The following MELK variants were observed in gnomAD, a reference collection of about 807,000 sequenced individuals.
MELK encodes maternal embryonic leucine zipper kinase.
MELK carries 81 observed loss-of-function variants against 85.0 expected under a neutral mutation model. The observed-to-expected ratio is 0.95, with a 90% CI of 0.80 to 1.15. The LOEUF (loss-of-function observed/expected upper bound fraction) is 1.15, where lower values mean the gene tolerates loss of function less well. MELK is among the 50% of genes most tolerant of loss of function. MELK has a pLI of 0.00. For synonymous variants in MELK, 252 were observed against 265.0 expected (o/e 0.95, Z 0.48); for missense variants, 754 against 777.5 (o/e 0.97, Z 0.36).
intron 13 of MELK, 58 bp downstream of exon 13, chr9:36,657,421 C>T: frequency 3.3e-6 from 5 of 1,520,186 alleles, no homozygotes; most frequent in Non-Finnish European, 4.4e-6. Flanking sequence ...ATAAAAACAA[C>T]CAGACTAATG....
intron 11 of MELK, among the ~76,000 whole-genome samples, chr9:36,645,350 A>G (rs1369171243): frequency 6.6e-6 from 1 of 151,096 alleles, no homozygotes; most frequent in Non-Finnish European, 1.5e-5. Context: ...TCTACCTATA[A>G]TTTTCAGACT....
intron 8 of MELK, among the ~76,000 whole-genome samples, chr9:36,612,452 C>T (rs1826149412): frequency 6.6e-6 from 1 of 152,152 alleles, no homozygotes; most frequent in African/African-American, 2.4e-5. Context: ...GTGGCGCCAT[C>T]TTGGCTCACT....
At chr9:36,587,000 C>A (rs1052445142) in intron 3 of MELK, among the ~76,000 whole-genome samples, 13 of 151,474 alleles carry the variant, frequency 8.6e-5, no homozygotes, top group Non-Finnish European at 1.5e-4. Context: ...TAGCTGGGAC[C>A]ACCACGCCCA....
At chr9:36,585,369 C>T (rs1427347750) in intron 3 of MELK, among the ~76,000 whole-genome samples, 3 of 131,992 alleles carry the variant, frequency 2.3e-5, no homozygotes, top group Non-Finnish European at 4.6e-5. Context: ...TGCAGTGGTG[C>T]GATCTCGGCT....
At chr9:36,651,109 T>C (rs369162505) in intron 11 of MELK, among the ~76,000 whole-genome samples, 54 of 152,304 alleles carry the variant, frequency 3.5e-4, no homozygotes, top group African/African-American at 1.3e-3. Context: ...ATAACCACTA[T>C]CTTCAGTGCC....
At chr9:36,642,165 T>C (rs1829816332) in intron 10 of MELK, among the ~76,000 whole-genome samples, 1 of 152,186 alleles carries the variant, frequency 6.6e-6, no homozygotes, top group Non-Finnish European at 1.5e-5. Flanking sequence ...CTTATATTCT[T>C]TTTTAAAGTT....
intron 5 of MELK, among the ~76,000 whole-genome samples, chr9:36,596,564 TTTTTTTTGTTTTTTTTGTTTTTTTTG>T (rs1281473837): frequency 9.2e-5 from 10 of 108,490 alleles, no homozygotes; most frequent in African/African-American, 3.6e-4. Context: ...GCCCTTTTTG[TTTTTTTTGTTTTTTTTGTTTTTTTTG>T]TTTTTTTTTT....
In MELK at chr9:36,597,247, ATAAAT is replaced by A; in HGVS notation, c.436_440del (p.Leu146AlafsTer3). On this transcript the variant is annotated frameshift_variant, in exon 6 of 18. Coordinates refer to ENST00000298048, the MANE Select transcript of MELK (RefSeq NM_014791.4). LOFTEE classifies it high-confidence loss of function. ...GAAAATTTGCTGTTTGATGAATATC[ATAAAT>A]TAAAGCTGATTGACTTTGGTCTCTG... 1 of 1,613,972 alleles carries A rather than the reference ATAAAT, an allele frequency of 6.2e-7. No homozygotes were observed. Among genetic ancestry groups the A allele is most frequent in the Non-Finnish European group, 8.5e-7 (1 of 1,179,816 alleles).
At chr9:36,640,046 T>C (rs556507619) in intron 10 of MELK, among the ~76,000 whole-genome samples, 1 of 152,348 alleles carries the variant, frequency 6.6e-6, no homozygotes, top group East Asian at 1.9e-4. Flanking sequence ...TGAAAACTTA[T>C]TCTTAGCACT....
chr9:36,627,119 A>G (rs959652630), intron 8 of MELK, among the ~76,000 whole-genome samples: 3 of 151,182 alleles, frequency 2.0e-5, no homozygotes, highest in Non-Finnish European at 2.9e-5. Context: ...GGCTAGAAGG[A>G]TGGAGGCAGA....
chr9:36,666,858 TGTGTGTGTGTGTG>T (rs1832393204), intron 14 of MELK, among the ~76,000 whole-genome samples: 3 of 3,838 alleles, frequency 7.8e-4, no homozygotes, highest in African/African-American at 1.4e-3. Context: ...TGTGTTTGTG[TGTGTGTGTGTGTG>T]TGTGTGTGTG....
chr9:36,578,637 C>T (rs973394488), intron 1 of MELK, among the ~76,000 whole-genome samples: 6 of 152,006 alleles, frequency 3.9e-5, no homozygotes, highest in Middle Eastern at 3.2e-3. Flanking sequence ...TTTTAACAGC[C>T]TTGTATGGAA....
intron 8 of MELK, among the ~76,000 whole-genome samples, chr9:36,622,849 C>T (rs919128895): frequency 1.1e-4 from 16 of 152,248 alleles, no homozygotes; most frequent in Admixed American, 3.3e-4. Context: ...ACTGGAATTC[C>T]CAGGATTATT....
intron 8 of MELK, among the ~76,000 whole-genome samples, chr9:36,618,269 C>T (rs927462013): frequency 6.6e-6 from 1 of 151,704 alleles, no homozygotes; most frequent in Admixed American, 6.6e-5. Flanking sequence ...ATTTTCTGGT[C>T]GTGGTGGTGC....
At position 36,581,749 on chromosome 9, in the gene MELK, A is replaced by T. The variant is rs755639638; in HGVS notation, c.58+10A>T. On this transcript the variant is annotated intron_variant, in intron 2 of 17. Coordinates refer to ENST00000298048, the MANE Select transcript of MELK (RefSeq NM_014791.4). ...GAAACTATTGGGACAGGTAATTGTT[A>T]TTTTTTTTTGGAGGCAGTGGATAGA... 13 of 1,538,296 alleles carry T rather than the reference A, an allele frequency of 8.5e-6. No homozygotes were observed. The Admixed American group carries it at 1.2e-4, about 15-fold the overall frequency.
intron 4 of MELK, among the ~76,000 whole-genome samples, chr9:36,593,807 T>A (rs908967285): frequency 1.6e-4 from 25 of 152,222 alleles, no homozygotes; most frequent in African/African-American, 4.8e-4. Context: ...TTCTCCTGCC[T>A]CAGTCTCCTG....
chr9:36,615,305 C>T (rs1826543567), intron 8 of MELK, among the ~76,000 whole-genome samples: 2 of 130,198 alleles, frequency 1.5e-5, no homozygotes, highest in Admixed American at 7.1e-5. Flanking sequence ...GCTGATCCCC[C>T]CACCTCCCTC....
chr9:36,642,142 A>G (rs1400956725), intron 10 of MELK, among the ~76,000 whole-genome samples: 1 of 152,182 alleles, frequency 6.6e-6, no homozygotes, highest in Non-Finnish European at 1.5e-5. Flanking sequence ...TGAATTTTGT[A>G]TAGAGGCTCT....
At chr9:36,599,577 A>G in intron 7 of MELK, 91 bp downstream of exon 7, 1 of 775,932 alleles carries the variant, frequency 1.3e-6, no homozygotes, top group Non-Finnish European at 2.1e-6. Flanking sequence ...TGGGGGTATA[A>G]TGATGAAGTA....
Sources: allele counts gnomAD v4.1 joint callset (sites outside exome capture counted in the v4.1 genomes callset), GRCh38; gene constraint gnomAD v4.1.1; transcripts MANE v1.5; gene names NCBI Gene and HGNC (gene_info 2026-07-23, HGNC 2026-07-21).